HS3ST4: variants seen among roughly 807,000 people sequenced by gnomAD.
HS3ST4 encodes heparan sulfate glucosamine 3-O-sulfotransferase 4.
A neutral mutation model predicts 29.2 loss-of-function variants in HS3ST4; 17 were observed. The ratio of observed to expected loss-of-function variants is 0.58; its 90% CI spans 0.40 to 0.87. The LOEUF (loss-of-function observed/expected upper bound fraction) is 0.87, where lower values mean the gene tolerates loss of function less well. Ranked by LOEUF, HS3ST4 falls within the 40% of genes least tolerant of loss-of-function variation. The pLI, the probability that HS3ST4 is intolerant of heterozygous loss-of-function variation, is 0.00. For synonymous variants in HS3ST4, 314 were observed against 285.7 expected (o/e 1.10, Z -1.00); for missense variants, 627 against 634.5 (o/e 0.99, Z 0.13).
At chr16:25,848,742 T>C (rs1221047289) in intron 1 of HS3ST4, among the ~76,000 whole-genome samples, 1 of 152,074 alleles carries the variant, frequency 6.6e-6, no homozygotes, top group Non-Finnish European at 1.5e-5. Context: ...TATTTTTCTT[T>C]TGTTTTCTGT....
At chr16:25,857,944 C>CTTTCTTTCTTTCTTTCTTTA (rs1555469179) in intron 1 of HS3ST4, among the ~76,000 whole-genome samples, 14 of 51,464 alleles carry the variant, frequency 2.7e-4, no homozygotes, top group South Asian at 7.6e-4. Context: ...TTCTTTCTTT[C>CTTTCTTTCTTTCTTTCTTTA]TTTCTTTCTT....
chr16:26,027,136 A>G (rs1156979980), intron 1 of HS3ST4, among the ~76,000 whole-genome samples: 1 of 152,210 alleles, frequency 6.6e-6, no homozygotes, highest in Non-Finnish European at 1.5e-5. Flanking sequence ...TTAAAGTAAA[A>G]TCTGTTTCAC....
At chr16:25,993,968 GTGTGTGTGTGTGT>G (rs1567289540) in intron 1 of HS3ST4, among the ~76,000 whole-genome samples, 1 of 102,574 alleles carries the variant, frequency 9.7e-6, no homozygotes. Flanking sequence ...GTGTGTGTGT[GTGTGTGTGTGTGT>G]GTGTGTGTGT....
intron 1 of HS3ST4, among the ~76,000 whole-genome samples, chr16:25,943,999 G>T (rs1161006408): frequency 6.6e-6 from 1 of 152,042 alleles, no homozygotes; most frequent in Non-Finnish European, 1.5e-5. Context: ...CAATGATTCT[G>T]GGGAAATCTT....
chr16:25,850,340 G>T (rs1181717842), intron 1 of HS3ST4, among the ~76,000 whole-genome samples: 1 of 151,948 alleles, frequency 6.6e-6, no homozygotes, highest in African/African-American at 2.4e-5. Context: ...AATTCTGTAT[G>T]GGCTGGGAAA....
intron 1 of HS3ST4, among the ~76,000 whole-genome samples, chr16:26,012,947 G>A (rs992833067): frequency 3.3e-5 from 5 of 151,998 alleles, no homozygotes; most frequent in African/African-American, 7.2e-5. Flanking sequence ...GGCAGATCAC[G>A]AGGTCAAGAG....
At chr16:26,086,288 C>T (rs369442936) in intron 1 of HS3ST4, among the ~76,000 whole-genome samples, 4 of 152,154 alleles carry the variant, frequency 2.6e-5, no homozygotes, top group Non-Finnish European at 2.9e-5. Flanking sequence ...TTGTCTGACT[C>T]GCTCAGTAGA....
At position 25,752,228 on chromosome 16, in the gene HS3ST4, T is replaced by C. The variant is rs539543193; in HGVS notation, c.734+59077T>C. Among the ~76,000 whole-genome samples the C allele has an allele frequency of 7.2e-5, 11 of 152,322 alleles. No individual in the cohort carries two copies. The East Asian group carries it at 2.1e-3, about 29-fold the overall frequency. ...TATCAAGTCAAGGTGTTGGGCTCTT[T>C]AGCTTTAGATAAGTTTCACAACAGC... is the stretch of plus-strand genomic sequence containing the variant. On this transcript the variant is annotated intron_variant, in intron 1 of 1. Coordinates refer to ENST00000331351, the MANE Select transcript of HS3ST4 (RefSeq NM_006040.3).
chr16:25,830,433 G>T (rs1327934964), intron 1 of HS3ST4, among the ~76,000 whole-genome samples: 1 of 152,094 alleles, frequency 6.6e-6, no homozygotes, highest in Non-Finnish European at 1.5e-5. Context: ...CTGCTTACAG[G>T]TTCTCTCCTC....
intron 1 of HS3ST4, among the ~76,000 whole-genome samples, chr16:26,010,414 G>A (rs560612461): frequency 5.3e-5 from 8 of 151,590 alleles, no homozygotes; most frequent in African/African-American, 1.5e-4. Flanking sequence ...AGATCACGCC[G>A]CTGCACTCTA....
intron 1 of HS3ST4, among the ~76,000 whole-genome samples, chr16:25,779,718 CA>C (rs1431240208): frequency 1.3e-5 from 2 of 152,300 alleles, no homozygotes; most frequent in Admixed American, 6.5e-5. Flanking sequence ...GAGATGAATA[CA>C]AATTCTTTTT....
At chr16:25,724,112 C>CAAAAAA (rs56115380) in intron 1 of HS3ST4, among the ~76,000 whole-genome samples, 5 of 77,236 alleles carry the variant, frequency 6.5e-5, no homozygotes, top group Admixed American at 1.7e-4. Context: ...GACTCCATCT[C>CAAAAAA]AAAAAAAAAA....
At chr16:26,068,636 G>A (rs1297991908) in intron 1 of HS3ST4, among the ~76,000 whole-genome samples, 1 of 152,044 alleles carries the variant, frequency 6.6e-6, no homozygotes, top group Non-Finnish European at 1.5e-5. Context: ...TCAATTATAT[G>A]CCCTTTGGGG....
intron 1 of HS3ST4, among the ~76,000 whole-genome samples, chr16:26,086,539 C>A (rs552285416): frequency 6.6e-6 from 1 of 151,866 alleles, no homozygotes; most frequent in Non-Finnish European, 1.5e-5. Context: ...TTAGTAGAGG[C>A]GGGGTTTCGC....
chr16:25,734,630 G>A (rs1966594581), intron 1 of HS3ST4, among the ~76,000 whole-genome samples: 1 of 152,130 alleles, frequency 6.6e-6, no homozygotes, highest in South Asian at 2.1e-4. Context: ...GGAACATTCT[G>A]GCCACAATCA....
chr16:26,032,666 C>G (rs1035426739), intron 1 of HS3ST4: 16 of 1,362,852 alleles, frequency 1.2e-5, no homozygotes, highest in Admixed American at 1.7e-5. Flanking sequence ...TACCTTCTCT[C>G]CCTTCTTTGC....
At chr16:25,920,596 GC>G (rs760011689) in intron 1 of HS3ST4, among the ~76,000 whole-genome samples, 2 of 117,578 alleles carry the variant, frequency 1.7e-5, no homozygotes, top group East Asian at 9.9e-4. Context: ...CCTCACTGCC[GC>G]CCCCACCCCT....
intron 1 of HS3ST4, among the ~76,000 whole-genome samples, chr16:25,969,647 C>T (rs1338607956): frequency 6.6e-6 from 1 of 152,158 alleles, no homozygotes; most frequent in African/African-American, 2.4e-5. Flanking sequence ...AATGAAGGCA[C>T]TGGTACCTTA....
At chr16:26,114,305 GT>G (rs1028194965) in intron 1 of HS3ST4, among the ~76,000 whole-genome samples, 3 of 152,030 alleles carry the variant, frequency 2.0e-5, no homozygotes, top group African/African-American at 7.2e-5. Flanking sequence ...TTTCTGCTCA[GT>G]TGCACCAAAC....
Sources: allele counts gnomAD v4.1 joint callset (sites outside exome capture counted in the v4.1 genomes callset), GRCh38; gene constraint gnomAD v4.1.1; transcripts MANE v1.5; gene names NCBI Gene and HGNC (gene_info 2026-07-23, HGNC 2026-07-21).